TXNDC16: variants seen among roughly 807,000 people sequenced by gnomAD.
TXNDC16 encodes thioredoxin domain-containing protein 16.
In TXNDC16, 74 loss-of-function variants were observed where a neutral mutation model predicts 85.6. The ratio of observed to expected loss-of-function variants is 0.86; its 90% CI spans 0.72 to 1.05. The LOEUF is 1.05. Ranked by LOEUF, TXNDC16 falls within the 50% of genes least tolerant of loss-of-function variation. The pLI is 0.00. For synonymous variants in TXNDC16, 335 were observed against 326.5 expected (o/e 1.03, Z -0.28); for missense variants, 959 against 947.0 (o/e 1.01, Z -0.17).
intron 6 of TXNDC16, among the ~76,000 whole-genome samples, chr14:52,534,540 T>C (rs2037656566): frequency 6.6e-6 from 1 of 151,978 alleles, no homozygotes; most frequent in South Asian, 2.1e-4. Context: ...TGTCACAAAG[T>C]TCCTCTTGCT....
chr14:52,548,353 G>A (rs893200267), intron 1 of TXNDC16, among the ~76,000 whole-genome samples: 2 of 152,116 alleles, frequency 1.3e-5, no homozygotes, highest in Non-Finnish European at 2.9e-5. Context: ...GTAATGGTTG[G>A]TCAGCTGCTT....
intron 14 of TXNDC16, among the ~76,000 whole-genome samples, chr14:52,481,455 C>T (rs1342994516): frequency 1.3e-5 from 2 of 152,144 alleles, no homozygotes; most frequent in Non-Finnish European, 2.9e-5. Flanking sequence ...TACATCAGTA[C>T]ATAGTTTCCA....
chr14:52,434,589 C>T (rs1348337787), intron 20 of TXNDC16, among the ~76,000 whole-genome samples: 1 of 151,564 alleles, frequency 6.6e-6, no homozygotes, highest in Non-Finnish European at 1.5e-5. Flanking sequence ...TGCCAGTGGC[C>T]ACAGTTTCAC....
In TXNDC16 at chr14:52,507,059, T is replaced by G. The variant is rs1031250369; in HGVS notation, c.756+4181A>C. ...ATTCAACATAGTGTTGGAAGTTCTG[T>G]CCAGGGCAATCAGGAAAGAGAAGGA... On this transcript the variant is annotated intron_variant, in intron 9 of 20. Coordinates refer to ENST00000281741, the MANE Select transcript of TXNDC16 (RefSeq NM_020784.3). Among the ~76,000 whole-genome samples, 12 of 152,024 alleles carry G rather than the reference T, an allele frequency of 7.9e-5. 1 individual carries two copies. Among genetic ancestry groups the G allele is most frequent in the East Asian group, 5.8e-4 (3 of 5,172 alleles).
chr14:52,491,074 A>C, intron 9 of TXNDC16, 69 bp from the exon 10 acceptor site: 2 of 1,476,438 alleles, frequency 1.4e-6, no homozygotes, highest in East Asian at 2.4e-5. Context: ...AAATTCTCCT[A>C]ATTCTTATTA....
intron 2 of TXNDC16, among the ~76,000 whole-genome samples, chr14:52,544,006 A>G (rs1426037285): frequency 6.6e-6 from 1 of 152,076 alleles, no homozygotes; most frequent in Non-Finnish European, 1.5e-5. Context: ...ATTTAATACC[A>G]TTTAGATGGG....
intron 18 of TXNDC16, among the ~76,000 whole-genome samples, chr14:52,454,397 G>A (rs970326332): frequency 6.8e-6 from 1 of 147,450 alleles, no homozygotes; most frequent in Admixed American, 6.8e-5. Context: ...TTGCACTACA[G>A]CCTGGGTGAC....
intron 9 of TXNDC16, among the ~76,000 whole-genome samples, chr14:52,507,771 G>C (rs1016591232): frequency 1.1e-4 from 16 of 152,148 alleles, no homozygotes; most frequent in South Asian, 1.0e-3. Context: ...ATATCTATAA[G>C]TATCTGATCT....
intron 14 of TXNDC16, among the ~76,000 whole-genome samples, chr14:52,479,449 A>G (rs1429469102): frequency 2.6e-5 from 4 of 152,168 alleles, no homozygotes; most frequent in Non-Finnish European, 5.9e-5. Flanking sequence ...AGAAATGATA[A>G]AACAATTCAG....
At chr14:52,451,726 A>G (rs1019951734) in intron 18 of TXNDC16, among the ~76,000 whole-genome samples, 17 of 152,168 alleles carry the variant, frequency 1.1e-4, no homozygotes, top group African/African-American at 4.1e-4. Flanking sequence ...TGCCATAGCC[A>G]CAGCTAGTGT....
At chr14:52,442,129 C>T (rs1018652136) in intron 18 of TXNDC16, among the ~76,000 whole-genome samples, 5 of 152,144 alleles carry the variant, frequency 3.3e-5, no homozygotes, top group East Asian at 1.9e-4. Flanking sequence ...AATTTGTCTA[C>T]GCTGTCAGTA....
rs1198175889 is a variant in TXNDC16, at chr14:52,439,367, G to T, written c.2031C>A (p.Ile677=). 1.2e-6 allele frequency: 2 copies of T among 1,613,724 alleles called. No individual in the cohort carries two copies. Among genetic ancestry groups the T allele is most frequent in the South Asian group, 1.1e-5 (1 of 91,054 alleles). ...GCAGAGGATCAAAATATGCCCTCAA[G>T]ATTCCTCTCCCCACTGGAGTATTCT... ...NLKNTPVGRG[I]LRAYFDPLPP... The change falls in exon 20 of 21, where the codon ATC becomes ATA. Residue 677 remains isoleucine, a synonymous_variant. Coordinates refer to ENST00000281741, the MANE Select transcript of TXNDC16 (RefSeq NM_020784.3).
chr14:52,509,749 C>T (rs1233304721), intron 9 of TXNDC16, among the ~76,000 whole-genome samples: 2 of 151,742 alleles, frequency 1.3e-5, no homozygotes, highest in South Asian at 2.1e-4. Flanking sequence ...GAGGTCCAGG[C>T]GGGCAGATCA....
At chr14:52,518,586 C>G (rs1429691692) in intron 7 of TXNDC16, among the ~76,000 whole-genome samples, 1 of 152,134 alleles carries the variant, frequency 6.6e-6, no homozygotes, top group Non-Finnish European at 1.5e-5. Flanking sequence ...TGCCATCACC[C>G]TGGTCCAAGC....
chr14:52,458,140 A>G (rs1400081023), intron 16 of TXNDC16, among the ~76,000 whole-genome samples: 1 of 152,222 alleles, frequency 6.6e-6, no homozygotes, highest in Non-Finnish European at 1.5e-5. Context: ...GGGTAACCAC[A>G]AGATTATTTT....
chr14:52,459,012 G>C (rs2035595656), intron 16 of TXNDC16, among the ~76,000 whole-genome samples: 1 of 151,824 alleles, frequency 6.6e-6, no homozygotes, highest in African/African-American at 2.4e-5. Context: ...CTCCTCCTTG[G>C]TAAAAACTGT....
chr14:52,543,694 T>C, intron 2 of TXNDC16, 64 bp from the exon 3 acceptor site: 1 of 968,554 alleles, frequency 1.0e-6, no homozygotes, highest in Non-Finnish European at 1.5e-6. Context: ...ATGAATGAAG[T>C]AAAATCTACA....
intron 11 of TXNDC16, 70 bp downstream of exon 11, chr14:52,490,321 A>G (rs1410731554): frequency 4.7e-6 from 5 of 1,068,938 alleles, no homozygotes; most frequent in Admixed American, 2.9e-5. Flanking sequence ...ATAAAAATAT[A>G]TTAAAGACCA....
chr14:52,439,364 C>G lies in TXNDC16; in HGVS notation c.2034G>C (p.Leu678Phe), dbSNP rs1449939101. 1 of 1,613,782 alleles carries G rather than the reference C, an allele frequency of 6.2e-7. No individual in the cohort carries two copies. ...LKNTPVGRGI[L>F]RAYFDPLPPL... ...GAGGCAGAGGATCAAAATATGCCCT[C>G]AAGATTCCTCTCCCCACTGGAGTAT... Residue 678 changes from leucine to phenylalanine, a missense_variant, in exon 20 of 21, where the codon TTG becomes TTC. Transcript: ENST00000281741.
Sources: allele counts gnomAD v4.1 joint callset (sites outside exome capture counted in the v4.1 genomes callset), GRCh38; gene constraint gnomAD v4.1.1; transcripts MANE v1.5; gene names NCBI Gene and HGNC (gene_info 2026-07-23, HGNC 2026-07-21).